TAF1B: variants seen among roughly 807,000 people sequenced by gnomAD.
The protein encoded by TAF1B is TATA-box binding protein associated factor, RNA polymerase I subunit B.
A neutral mutation model predicts 83.9 loss-of-function variants in TAF1B; 61 were observed. The observed-to-expected ratio is 0.73, with a 90% CI of 0.59 to 0.90. TAF1B has a LOEUF of 0.90. Ranked by LOEUF, TAF1B falls within the 40% of genes least tolerant of loss-of-function variation. TAF1B has a pLI of 0.00. For synonymous variants in TAF1B, 221 were observed against 224.6 expected, an observed-to-expected ratio of 0.98 and a Z score of 0.14; for missense variants, 625 against 677.0, an observed-to-expected ratio of 0.92 and a Z score of 0.85.
chr2:9,913,437 T>G (rs1001851652), intron 12 of TAF1B, 188 bp downstream of exon 12: 1 of 471,726 alleles, frequency 2.1e-6, no homozygotes, highest in Non-Finnish European at 3.7e-6. Context: ...TTAGATTTGA[T>G]GTGGATTTCA....
Position 9,880,595 on chromosome 2 carries a change from C to G in TAF1B, c.708-2111C>G, listed in dbSNP as rs534676981. ...CAGGTCTCTCATTTCTTCCTCTGCT[C>G]CTACAGAACTGACTGTGCCTCTGTT... On this transcript the variant is annotated intron_variant, in intron 7 of 14. Coordinates refer to ENST00000263663, the MANE Select transcript of TAF1B (RefSeq NM_005680.3). Among the ~76,000 whole-genome samples the G allele has an allele frequency of 2.2e-4, 33 of 152,228 alleles. No homozygotes were observed. In the East Asian group the frequency reaches 6.0e-3, roughly 28 times the overall value.
chr2:9,845,187 T>C (rs1350385501), intron 1 of TAF1B, 33 bp from the exon 2 acceptor site: 4 of 1,562,514 alleles, frequency 2.6e-6, no homozygotes, highest in Non-Finnish European at 3.5e-6. Flanking sequence ...TGTGGCTTGA[T>C]GGGAACACCT....
chr2:9,868,693 A>G (rs765075190), intron 6 of TAF1B: 1 of 596,012 alleles, frequency 1.7e-6, no homozygotes, highest in Admixed American at 2.2e-5. Context: ...TCCAGAAAGA[A>G]GGAGGCTGCT....
chr2:9,927,675 A>C (rs1347515014), intron 14 of TAF1B, among the ~76,000 whole-genome samples: 2 of 152,190 alleles, frequency 1.3e-5, no homozygotes, highest in Non-Finnish European at 2.9e-5. Flanking sequence ...TCTTCTTTTG[A>C]GAAGTGTCTG....
At chr2:9,848,915 C>T (rs1663293620) in intron 2 of TAF1B, among the ~76,000 whole-genome samples, 1 of 152,136 alleles carries the variant, frequency 6.6e-6, no homozygotes, top group Non-Finnish European at 1.5e-5. Context: ...TTTATAATTT[C>T]AGAAATGAAA....
chr2:9,877,173 C>A (rs1267482594), intron 7 of TAF1B, among the ~76,000 whole-genome samples: 1 of 152,200 alleles, frequency 6.6e-6, no homozygotes, highest in East Asian at 1.9e-4. Context: ...TTAATTACCA[C>A]TATACTGATG....
At chr2:9,866,571 C>T (rs1314421622) in intron 5 of TAF1B, among the ~76,000 whole-genome samples, 2 of 152,186 alleles carry the variant, frequency 1.3e-5, no homozygotes, top group East Asian at 3.8e-4. Context: ...TTTGACCCAG[C>T]CATCCCATTA....
In TAF1B at chr2:9,933,860, T is replaced by A; in HGVS notation, c.1643T>A (p.Phe548Tyr). ...CAGTTTATACTAAATCTCTTCTCCTTCCTGCTCAGAATAAAGACTTCCCTT... is the reference window on the plus strand; with the variant it reads ...CAGTTTATACTAAATCTCTTCTCCTACCTGCTCAGAATAAAGACTTCCCTT... ...SYQFILNLFS[F>Y]LLRIKTSLLH... The change falls in exon 15 of 15, where the codon TTC becomes TAC. Residue 548 changes from phenylalanine (F) to tyrosine (Y), a missense_variant. By Grantham distance (22) the Phe-to-Tyr change is conservative. Coordinates refer to ENST00000263663, the MANE Select transcript of TAF1B (RefSeq NM_005680.3). 6.2e-7 allele frequency: 1 copy of A among 1,613,926 alleles called. No individual in the cohort carries two copies. The highest frequency in any genetic ancestry group is 2.2e-5 in the East Asian group (1 of 44,846).
At chr2:9,854,868 A>G (rs1002300195) in intron 5 of TAF1B, among the ~76,000 whole-genome samples, 6 of 152,220 alleles carry the variant, frequency 3.9e-5, no homozygotes, top group African/African-American at 1.4e-4. Flanking sequence ...GTATTCTCCC[A>G]TATCCACCAG....
chr2:9,892,702 C>A (rs1233636517), intron 8 of TAF1B, among the ~76,000 whole-genome samples: 1 of 152,138 alleles, frequency 6.6e-6, no homozygotes, highest in Non-Finnish European at 1.5e-5. Flanking sequence ...AGGTTGAGTC[C>A]ATATCTTGGC....
intron 6 of TAF1B, among the ~76,000 whole-genome samples, chr2:9,869,448 C>G (rs1006429660): frequency 1.3e-5 from 2 of 150,210 alleles, no homozygotes; most frequent in African/African-American, 2.4e-5. Context: ...TGGTCTCAAA[C>G]TCCTGACCTT....
intron 8 of TAF1B, among the ~76,000 whole-genome samples, chr2:9,885,424 C>T (rs531540943): frequency 1.3e-4 from 20 of 152,296 alleles, no homozygotes; most frequent in African/African-American, 3.9e-4. Flanking sequence ...AAGGATATTG[C>T]ATAAATGTAG....
chr2:9,847,414 A>G (rs547995920), intron 2 of TAF1B, among the ~76,000 whole-genome samples: 1 of 152,288 alleles, frequency 6.6e-6, no homozygotes, highest in East Asian at 1.9e-4. Context: ...CCTGGAGCTG[A>G]GCAGTGTGGC....
At chr2:9,852,805 T>C (rs1021460682) in intron 4 of TAF1B, among the ~76,000 whole-genome samples, 7 of 152,044 alleles carry the variant, frequency 4.6e-5, no homozygotes, top group African/African-American at 1.2e-4. Context: ...ATAAGTGATA[T>C]TAAAGGCAAA....
At chr2:9,901,239 G>T (rs1449963144) in intron 8 of TAF1B, among the ~76,000 whole-genome samples, 1 of 151,988 alleles carries the variant, frequency 6.6e-6, no homozygotes, top group African/African-American at 2.4e-5. Context: ...TACTCAAAAA[G>T]GAAAAGTTGG....
At chr2:9,927,091 A>G (rs1041502803) in intron 14 of TAF1B, among the ~76,000 whole-genome samples, 2 of 142,172 alleles carry the variant, frequency 1.4e-5, no homozygotes, top group Non-Finnish European at 3.0e-5. Flanking sequence ...TCATTGTTCA[A>G]TTCCCACTTA....
At chr2:9,856,776 T>C (rs1663579446) in intron 5 of TAF1B, among the ~76,000 whole-genome samples, 1 of 152,178 alleles carries the variant, frequency 6.6e-6, no homozygotes, top group Non-Finnish European at 1.5e-5. Context: ...AAAATCTTGG[T>C]GAATAAATAA....
At chr2:9,846,283 T>C (rs1043320456) in intron 2 of TAF1B, 1 of 364,554 alleles carries the variant, frequency 2.7e-6, no homozygotes, top group African/African-American at 2.1e-5. Context: ...TAAACGAGGC[T>C]ACCTTCACAT....
chr2:9,867,013 C>T (rs1664001622), intron 5 of TAF1B, among the ~76,000 whole-genome samples: 1 of 152,080 alleles, frequency 6.6e-6, no homozygotes, highest in South Asian at 2.1e-4. Context: ...GTGCAGCACA[C>T]CAACATGGCA....
Sources: gnomAD v4.1 joint callset for allele counts (sites outside exome capture counted in the v4.1 genomes callset) on GRCh38, gnomAD v4.1.1 for gene constraint, MANE v1.5 for transcripts, NCBI Gene and HGNC (gene_info 2026-07-23, HGNC 2026-07-21) for gene names.